OTOP1: variants seen among roughly 807,000 people sequenced by gnomAD.
OTOP1 encodes otopetrin 1.
A neutral mutation model predicts 52.9 loss-of-function variants in OTOP1; 59 were observed. The observed-to-expected ratio is 1.12, with a 90% CI of 0.91 to 1.39. OTOP1 has a LOEUF of 1.39. OTOP1 is among the 40% of genes most tolerant of loss of function. The pLI is 0.00. For missense variants in OTOP1, 761 were observed against 800.9 expected, an observed-to-expected ratio of 0.95 and a Z score of 0.60; for synonymous variants, 317 against 337.7, an observed-to-expected ratio of 0.94 and a Z score of 0.67.
At chr4:4,210,088 C>T (rs1169092572) in intron 2 of OTOP1, among the ~76,000 whole-genome samples, 1 of 152,224 alleles carries the variant, frequency 6.6e-6, no homozygotes, top group Non-Finnish European at 1.5e-5. Flanking sequence ...GTTTTGGGGA[C>T]TGTCTCTCAC....
chr4:4,224,758 T>C (rs1488402679), intron 1 of OTOP1, among the ~76,000 whole-genome samples: 1 of 152,346 alleles, frequency 6.6e-6, no homozygotes, highest in African/African-American at 2.4e-5. Context: ...AAATCTCTTC[T>C]GGATGGTAAG....
intron 3 of OTOP1, among the ~76,000 whole-genome samples, chr4:4,203,556 G>A (rs1404072747): frequency 2.6e-5 from 4 of 152,192 alleles, no homozygotes; most frequent in Non-Finnish European, 5.9e-5. Flanking sequence ...TAAGTGGAAG[G>A]TCGACACTGG....
intron 1 of OTOP1, among the ~76,000 whole-genome samples, chr4:4,220,146 A>G (rs1410056572): frequency 4.4e-5 from 6 of 134,940 alleles, no homozygotes; most frequent in Non-Finnish European, 6.1e-5. Context: ...CTTGTCGGCC[A>G]GGCTGGAGTG....
chr4:4,195,464 T>C (rs1209440970), intron 5 of OTOP1, among the ~76,000 whole-genome samples: 2 of 152,136 alleles, frequency 1.3e-5, no homozygotes, highest in East Asian at 1.9e-4. Context: ...GGGGTGCCCA[T>C]GTGAGAGACA....
intron 5 of OTOP1, among the ~76,000 whole-genome samples, chr4:4,189,776 G>A (rs543808769): frequency 3.7e-4 from 56 of 152,302 alleles, no homozygotes; most frequent in African/African-American, 1.2e-3. Flanking sequence ...GAGTACTCCC[G>A]TCAACAGCCA....
chr4:4,218,667 C>G (rs1464650943), intron 1 of OTOP1, among the ~76,000 whole-genome samples: 1 of 152,118 alleles, frequency 6.6e-6, no homozygotes, highest in African/African-American at 2.4e-5. Flanking sequence ...GTGACTCACA[C>G]CTATAATCCT....
At chr4:4,224,175 C>T (rs927583809) in intron 1 of OTOP1, among the ~76,000 whole-genome samples, 2 of 151,834 alleles carry the variant, frequency 1.3e-5, no homozygotes, top group African/African-American at 2.4e-5. Flanking sequence ...GATGAAACCC[C>T]GTCTCTACTA....
chr4:4,226,456 A>C lies in OTOP1; in HGVS notation c.403+6T>G. 1 of 1,458,782 alleles carries C rather than the reference A, an allele frequency of 6.9e-7. No homozygotes were observed. Among genetic ancestry groups the C allele is most frequent in the Non-Finnish European group, 9.0e-7 (1 of 1,110,554 alleles). The allele number at this position is 1,458,782 out of a possible 1,614,324, so 90.4% of individuals were successfully genotyped here. On this transcript the variant is annotated splice_donor_region_variant and intron_variant, in intron 1 of 5. Transcript: ENST00000296358. ...GGAGACCCGCTCGCCCGGCGCCTGG[A>C]CTCACCGCGCAGCCAGCCGGCACCC...
chr4:4,220,050 C>CGT (rs1491479857), intron 1 of OTOP1, among the ~76,000 whole-genome samples: 1 of 23,958 alleles, frequency 4.2e-5, no homozygotes, highest in African/African-American at 2.8e-4. Flanking sequence ...TACATATATA[C>CGT]ATATACGTGT....
At position 4,197,958 on chromosome 4, in the gene OTOP1, G is replaced by A. The variant is rs373873960; in HGVS notation, c.876C>T (p.Ile292=). 39 of 1,613,930 alleles carry A rather than the reference G, an allele frequency of 2.4e-5. No homozygotes were observed. The highest frequency in any genetic ancestry group is 2.7e-5 in the Non-Finnish European group (32 of 1,180,014). ...GCTGATGGCTGTCAACTTTGCGCCC[G>A]ATGTTCTTCCACAGGACGTAGAGCA... ...STMLYVLWKN[I]GRKVDSHQHQ... Residue 292 remains isoleucine, a synonymous_variant, in exon 5 of 6, where the codon ATC becomes ATT. Transcript: ENST00000296358.
At chr4:4,220,254 T>TA (rs1217931728) in intron 1 of OTOP1, among the ~76,000 whole-genome samples, 2 of 150,862 alleles carry the variant, frequency 1.3e-5, no homozygotes, top group South Asian at 2.1e-4. Context: ...CTGCTGGTAA[T>TA]AAAAAAACAG....
intron 5 of OTOP1, among the ~76,000 whole-genome samples, chr4:4,190,460 G>A (rs751763301): frequency 4.6e-5 from 7 of 152,198 alleles, no homozygotes; most frequent in Non-Finnish European, 8.8e-5. Flanking sequence ...GGCAAACAGT[G>A]AGGCTCTGTC....
At chr4:4,202,331 T>C (rs1716805685) in intron 4 of OTOP1, 117 bp downstream of exon 4, 22 of 1,419,820 alleles carry the variant, frequency 1.5e-5, no homozygotes, top group Non-Finnish European at 2.1e-5. Flanking sequence ...TGATGCTGAG[T>C]TGGGTGGCCC....
chr4:4,221,972 C>A (rs535389037), intron 1 of OTOP1, among the ~76,000 whole-genome samples: 1 of 152,240 alleles, frequency 6.6e-6, no homozygotes, highest in African/African-American at 2.4e-5. Flanking sequence ...CTTCCCAGAA[C>A]CATCATCTTC....
chr4:4,219,502 C>T (rs184641288), intron 1 of OTOP1, among the ~76,000 whole-genome samples: 13 of 152,048 alleles, frequency 8.5e-5, no homozygotes, highest in Admixed American at 1.3e-4. Flanking sequence ...GAGATCGAGA[C>T]CATCCTGGCC....
rs1448767859 is a variant in OTOP1 at position 4,212,918 on chromosome 4, C to T, written c.490G>A (p.Ala164Thr). 6.2e-7 allele frequency: 1 copy of T among 1,613,880 alleles called. No homozygotes were observed. The highest frequency in any genetic ancestry group is 8.5e-7 in the Non-Finnish European group (1 of 1,179,958). ...YFIGFSECLS[A>T]TEGVFPVTHS... ...GTGACTGGGAAAACTCCTTCAGTGGCTGATAAACATTCTGAAAATCCAATG... is the reference window on the plus strand; with the variant it reads ...GTGACTGGGAAAACTCCTTCAGTGGTTGATAAACATTCTGAAAATCCAATG... The change falls in exon 2 of 6, where the codon GCC becomes ACC. Residue 164 changes from alanine to threonine, a missense_variant. Physicochemically the swap from Ala to Thr is moderately conservative, Grantham distance 58. Coordinates refer to ENST00000296358, the MANE Select transcript of OTOP1 (RefSeq NM_177998.3).
chr4:4,226,389 G>T, intron 1 of OTOP1, 73 bp downstream of exon 1: 2 of 1,318,722 alleles, frequency 1.5e-6, no homozygotes, highest in Non-Finnish European at 2.0e-6. Context: ...CGGTAGGAAG[G>T]GCGCAGAGCA....
At chr4:4,193,362 G>C (rs2980117) in intron 5 of OTOP1, among the ~76,000 whole-genome samples, 2,681 of 152,142 alleles carry the variant, frequency 0.018, 81 homozygotes, top group African/African-American at 0.055. Flanking sequence ...CACACCCACC[G>C]TCTGTTGTCT....
At chr4:4,211,401 T>C (rs1355953572) in intron 2 of OTOP1, among the ~76,000 whole-genome samples, 2 of 152,132 alleles carry the variant, frequency 1.3e-5, no homozygotes, top group Non-Finnish European at 2.9e-5. Flanking sequence ...GTCTCCGCAG[T>C]GACTCTGAGC....
Sources: gnomAD v4.1 joint callset for allele counts (sites outside exome capture counted in the v4.1 genomes callset) on GRCh38, gnomAD v4.1.1 for gene constraint, MANE v1.5 for transcripts, NCBI Gene and HGNC (gene_info 2026-07-23, HGNC 2026-07-21) for gene names.